DLGAP2: variants seen among roughly 807,000 people sequenced by gnomAD.
DLGAP2 encodes the protein disks large-associated protein 2.
A neutral mutation model predicts 100.3 loss-of-function variants in DLGAP2; 26 were observed. That is an observed-to-expected ratio of 0.26 (90% CI 0.19 to 0.36). The LOEUF (loss-of-function observed/expected upper bound fraction) is 0.36. DLGAP2 is among the 10% of genes least tolerant of loss of function. The pLI is 1.00. For missense variants in DLGAP2, 1,858 were observed against 1,453.2 expected (o/e 1.28, Z -4.53); for synonymous variants, 886 against 630.1 (o/e 1.41, Z -6.08).
intron 8 of DLGAP2, among the ~76,000 whole-genome samples, chr8:1,654,944 A>T (rs1255805918): frequency 1.3e-5 from 2 of 152,220 alleles, no homozygotes. Context: ...TTCAGAAAAT[A>T]CAAGTTCTCG....
At chr8:1,181,796 G>A (rs1797394449) in intron 2 of DLGAP2, among the ~76,000 whole-genome samples, 1 of 152,088 alleles carries the variant, frequency 6.6e-6, no homozygotes, top group African/African-American at 2.4e-5. Flanking sequence ...TGGAGACCCC[G>A]GGAGGAGGCA....
intron 3 of DLGAP2, among the ~76,000 whole-genome samples, chr8:1,333,732 T>C (rs1268134958): frequency 6.6e-6 from 1 of 152,248 alleles, no homozygotes; most frequent in Non-Finnish European, 1.5e-5. Context: ...CAGTTTCATA[T>C]GGTTCTCACC....
chr8:1,532,156 AG>A (rs1287027830), intron 4 of DLGAP2, among the ~76,000 whole-genome samples: 1 of 152,200 alleles, frequency 6.6e-6, no homozygotes, highest in Non-Finnish European at 1.5e-5. Context: ...AGTGGGAGGC[AG>A]GTTTGCCCTG....
At chr8:1,185,371 C>T (rs1296778746) in intron 2 of DLGAP2, among the ~76,000 whole-genome samples, 3 of 152,076 alleles carry the variant, frequency 2.0e-5, no homozygotes, top group Admixed American at 6.5e-5. Flanking sequence ...GTCTCCAGGG[C>T]ACTTTCAGGG....
intron 3 of DLGAP2, among the ~76,000 whole-genome samples, chr8:1,271,630 C>T (rs967113315): frequency 1.3e-5 from 2 of 152,086 alleles, no homozygotes; most frequent in South Asian, 4.2e-4. Context: ...GAATATTGAT[C>T]TACTGTTTTA....
At position 1,523,095 on chromosome 8, in the gene DLGAP2, C is replaced by A. The variant is rs543145737; in HGVS notation, c.172+21664C>A. Among the ~76,000 whole-genome samples the A allele has an allele frequency of 5.9e-5, 9 of 152,288 alleles. No homozygotes were observed. The East Asian group carries it at 1.2e-3, about 20-fold the overall frequency. ...GAACCTGCAGACGGCACTGCCCGTG[C>A]GGCATCTCCTGGGACCTGGGAGCTT... On this transcript the variant is annotated intron_variant, in intron 4 of 14. Transcript: ENST00000637795.
intron 2 of DLGAP2, among the ~76,000 whole-genome samples, chr8:1,198,872 A>G (rs899038841): frequency 3.3e-5 from 5 of 152,208 alleles, no homozygotes; most frequent in African/African-American, 7.2e-5. Flanking sequence ...CTGCACCCCC[A>G]CGCCTGCCTA....
intron 1 of DLGAP2, among the ~76,000 whole-genome samples, chr8:907,058 T>G (rs1476151206): frequency 6.6e-6 from 1 of 152,188 alleles, no homozygotes; most frequent in Non-Finnish European, 1.5e-5. Flanking sequence ...TCAGCCAGAC[T>G]GAAAGTCGAT....
At chr8:1,060,286 T>A (rs1335493574) in intron 2 of DLGAP2, among the ~76,000 whole-genome samples, 1 of 151,596 alleles carries the variant, frequency 6.6e-6, no homozygotes, top group Non-Finnish European at 1.5e-5. Context: ...TGCTTGTGGA[T>A]AGATCCCCTC....
intron 5 of DLGAP2, among the ~76,000 whole-genome samples, chr8:1,559,504 T>A (rs1444651738): frequency 1.3e-5 from 2 of 152,220 alleles, no homozygotes; most frequent in Non-Finnish European, 2.9e-5. Flanking sequence ...CTGGTTGACA[T>A]TCTTTCTGTA....
At chr8:1,233,237 A>G (rs903949556) in intron 2 of DLGAP2, among the ~76,000 whole-genome samples, 4 of 152,184 alleles carry the variant, frequency 2.6e-5, no homozygotes. Context: ...GCTATGATGA[A>G]TGAGAGGCTG....
rs749185266 is a variant in DLGAP2 at position 1,691,614 on chromosome 8, C to T, written c.2784C>T (p.Cys928=). The change falls in exon 13 of 15, where the codon TGC becomes TGT. Residue 928 remains cysteine, a synonymous_variant. Transcript: ENST00000637795. The part of the protein sequence containing the change: ...SQKFQQFYWL[C]QQNMDPSAMP... The stretch of plus-strand genomic sequence containing the variant: ...AATTCCAGCAGTTTTATTGGCTTTG[C>T]CAACAGAATATGGTAAGTGAATCCT... The T allele has an allele frequency of 1.2e-6, 2 of 1,613,646 alleles. No individual in the cohort carries two copies. The highest frequency in any genetic ancestry group is 1.1e-5 in the South Asian group (1 of 90,996).
intron 2 of DLGAP2, among the ~76,000 whole-genome samples, chr8:932,487 T>C (rs1798981656): frequency 6.6e-6 from 1 of 152,256 alleles, no homozygotes; most frequent in African/African-American, 2.4e-5. Flanking sequence ...TTTCATTTCC[T>C]ATAAAACACA....
At chr8:1,591,632 G>A (rs953889203) in intron 6 of DLGAP2, among the ~76,000 whole-genome samples, 13 of 152,082 alleles carry the variant, frequency 8.5e-5, no homozygotes, top group African/African-American at 2.9e-4. Context: ...CCCGATACTT[G>A]TCACACATCT....
intron 3 of DLGAP2, among the ~76,000 whole-genome samples, chr8:1,294,204 C>G (rs958584852): frequency 1.3e-5 from 2 of 152,198 alleles, no homozygotes; most frequent in African/African-American, 4.8e-5. Context: ...CCCCTCCCAC[C>G]TCTCCCCTTG....
chr8:1,069,788 A>G (rs899981599), intron 2 of DLGAP2, among the ~76,000 whole-genome samples: 1 of 152,148 alleles, frequency 6.6e-6, no homozygotes, highest in African/African-American at 2.4e-5. Flanking sequence ...CCACAACAAG[A>G]TGAGGTGCAG....
At chr8:1,269,318 C>G (rs943932812) in intron 3 of DLGAP2, among the ~76,000 whole-genome samples, 2 of 152,172 alleles carry the variant, frequency 1.3e-5, no homozygotes, top group Non-Finnish European at 2.9e-5. Context: ...CCTGCAGAGG[C>G]TCCTGGTACG....
chr8:1,625,373 C>T (rs915688856), intron 6 of DLGAP2, among the ~76,000 whole-genome samples: 3 of 152,178 alleles, frequency 2.0e-5, no homozygotes, highest in African/African-American at 4.8e-5. Flanking sequence ...TAAGCCAGAC[C>T]TTTCATCGGC....
chr8:1,108,714 G>A (rs9694924), intron 2 of DLGAP2, among the ~76,000 whole-genome samples: 1 of 144,304 alleles, frequency 6.9e-6, no homozygotes, highest in African/African-American at 2.6e-5. Context: ...AGGTGTGCAC[G>A]TGCCTATAAT....
Sources: allele counts gnomAD v4.1 joint callset (sites outside exome capture counted in the v4.1 genomes callset), GRCh38; gene constraint gnomAD v4.1.1; transcripts MANE v1.5; gene names NCBI Gene and HGNC (gene_info 2026-07-23, HGNC 2026-07-21).